Variants in ATRN observed in about 807,000 individuals in gnomAD.
ATRN encodes attractin.
Under a neutral mutation model 178.7 loss-of-function variants are expected in ATRN, and 54 were observed. That is an observed-to-expected ratio of 0.30 (90% CI 0.24 to 0.38). The LOEUF (loss-of-function observed/expected upper bound fraction) is 0.38, where lower values mean the gene tolerates loss of function less well. Ranked by LOEUF, ATRN falls within the 10% of genes least tolerant of loss-of-function variation. The pLI is 1.00. For missense variants in ATRN, 1,443 were observed against 1,815.1 expected (o/e 0.79, Z 3.73); for synonymous variants, 636 against 663.0 (o/e 0.96, Z 0.63).
chr20:3,571,143 A>T (rs901285479), intron 11 of ATRN, among the ~76,000 whole-genome samples: 8 of 152,128 alleles, frequency 5.3e-5, no homozygotes, highest in African/African-American at 1.9e-4. Flanking sequence ...TGGATGTATT[A>T]TAGTTTGTCA....
chr20:3,571,863 T>A (rs912869728), intron 11 of ATRN, among the ~76,000 whole-genome samples: 1 of 152,210 alleles, frequency 6.6e-6, no homozygotes, highest in African/African-American at 2.4e-5. Flanking sequence ...TCTTTTCCCC[T>A]ACCTTCTGGA....
chr20:3,547,602 G>A (rs996558495), intron 5 of ATRN, 113 bp downstream of exon 5: 39 of 917,500 alleles, frequency 4.3e-5, no homozygotes, highest in East Asian at 1.3e-4. Flanking sequence ...AATCAAATAC[G>A]AGGTAGCATT....
intron 6 of ATRN, among the ~76,000 whole-genome samples, chr20:3,554,522 A>C (rs893020527): frequency 2.6e-5 from 4 of 151,674 alleles, no homozygotes; most frequent in Non-Finnish European, 4.4e-5. Context: ...TTTTTAGTAG[A>C]GATGGGTTTC....
At chr20:3,597,092 CAA>C (rs1276723864) in intron 21 of ATRN, among the ~76,000 whole-genome samples, 1 of 41,130 alleles carries the variant, frequency 2.4e-5, no homozygotes, top group Non-Finnish European at 5.0e-5. Flanking sequence ...TAAAAGAAAA[CAA>C]GAGAAAAACA....
At chr20:3,614,717 G>C (rs144414405) in intron 24 of ATRN, among the ~76,000 whole-genome samples, 1 of 152,086 alleles carries the variant, frequency 6.6e-6, no homozygotes, top group African/African-American at 2.4e-5. Flanking sequence ...TCACAGAAGC[G>C]TGCAGCCACC....
chr20:3,581,205 T>A (rs1421184605), intron 15 of ATRN, among the ~76,000 whole-genome samples: 1 of 152,200 alleles, frequency 6.6e-6, no homozygotes, highest in Non-Finnish European at 1.5e-5. Context: ...TGAGCCATGA[T>A]CATGTCCCTG....
At chr20:3,613,130 C>T (rs2086789342) in intron 24 of ATRN, among the ~76,000 whole-genome samples, 1 of 152,164 alleles carries the variant, frequency 6.6e-6, no homozygotes, top group Non-Finnish European at 1.5e-5. Context: ...GGATCACTAA[C>T]TTAAATTAAG....
intron 1 of ATRN, among the ~76,000 whole-genome samples, chr20:3,512,107 A>ATTTTTTTTTTTT (rs755934394): frequency 1.9e-5 from 2 of 106,396 alleles, no homozygotes; most frequent in African/African-American, 8.9e-5. Flanking sequence ...ATATATATAT[A>ATTTTTTTTTTTT]TTTTTTTTTT....
In ATRN at chr20:3,545,821, C is replaced by T; in HGVS notation, c.668C>T (p.Ser223Leu). 1 of 1,614,082 alleles carries T rather than the reference C, an allele frequency of 6.2e-7. No individual in the cohort carries two copies. The highest frequency in any genetic ancestry group is 1.1e-5 in the South Asian group (1 of 91,074). ...NETVPEVVAT[S>L]GYALLHFFSD... ...ACTGTCCCTGAGGTTGTTGCCACAT[C>T]AGGTTATGCCTTGCTGCATTTTTTT... is the stretch of plus-strand genomic sequence containing the variant. The change falls in exon 4 of 29, where the codon TCA (serine) becomes TTA (leucine). Residue 223 changes from serine to leucine, a missense_variant. Ser to Leu is a moderately radical substitution (Grantham distance 145, BLOSUM62 -2). Coordinates refer to ENST00000262919, the MANE Select transcript of ATRN (RefSeq NM_139321.3).
At chr20:3,581,940 A>G (rs2086287621) in intron 15 of ATRN, among the ~76,000 whole-genome samples, 195 bp from the exon 16 acceptor site, 2 of 152,088 alleles carry the variant, frequency 1.3e-5, no homozygotes, top group South Asian at 2.1e-4. Context: ...GTTTTGGTCA[A>G]GATGTTGGTT....
At chr20:3,527,831 C>T (rs753120895) in intron 1 of ATRN, among the ~76,000 whole-genome samples, 1 of 150,932 alleles carries the variant, frequency 6.6e-6, no homozygotes, top group Non-Finnish European at 1.5e-5. Context: ...CAAAACCAAA[C>T]ATTGCATGTT....
intron 24 of ATRN, among the ~76,000 whole-genome samples, chr20:3,613,111 A>G (rs547127072): frequency 1.3e-5 from 2 of 152,270 alleles, no homozygotes; most frequent in South Asian, 4.1e-4. Context: ...GGTGCTCCTT[A>G]TCTTTTCTGG....
chr20:3,645,317 C>T lies in ATRN; in HGVS notation c.4165+1049C>T, dbSNP rs753616858. Among the ~76,000 whole-genome samples the T allele has an allele frequency of 1.3e-5, 2 of 152,222 alleles. No individual in the cohort carries two copies. ...ATGGTTAGGATCTATAGTATCTTCA[C>T]GAGGGAGGCCTTTCGACATGGCTCG... On this transcript the variant is annotated intron_variant, in intron 28 of 28. Transcript: ENST00000262919. This position sits in a 1 kb window ranked among gnomAD's most constrained non-coding sequence, Gnocchi z 4.7.
chr20:3,540,297 T>G lies in ATRN; in HGVS notation c.570T>G (p.Asp190Glu), dbSNP rs780643690. The change falls in exon 3 of 29, where the codon GAT becomes GAG. Residue 190 changes from aspartate (D) to glutamate (E), a missense_variant. By Grantham distance (45) the Asp-to-Glu change is conservative. Transcript: ENST00000262919. ...GTTGGGACCATTTATATGTTTATGA[T>G]GGGGACTCAATTTATGCACCGCTAG... Reference protein sequence around the residue: ...ECSWDHLYVYDGDSIYAPLVA... With the variant: ...ECSWDHLYVYEGDSIYAPLVA... 2.2e-5 allele frequency: 36 copies of G among 1,611,370 alleles called. No homozygotes were observed. In the Middle Eastern group the frequency reaches 3.0e-3, roughly 133 times the overall value.
intron 5 of ATRN, 113 bp downstream of exon 5, chr20:3,547,602 G>T: frequency 1.1e-6 from 1 of 917,618 alleles, no homozygotes. Flanking sequence ...AATCAAATAC[G>T]AGGTAGCATT....
intron 1 of ATRN, among the ~76,000 whole-genome samples, chr20:3,498,298 T>G (rs2084908897): frequency 6.6e-6 from 1 of 152,242 alleles, no homozygotes; most frequent in Admixed American, 6.5e-5. Flanking sequence ...TTCCAGTCAA[T>G]AGAAAAAGAG....
intron 25 of ATRN, among the ~76,000 whole-genome samples, chr20:3,626,231 C>CAA (rs3084195): frequency 8.0e-5 from 8 of 99,516 alleles, no homozygotes; most frequent in African/African-American, 1.9e-4. Flanking sequence ...GACCCTGTCT[C>CAA]AAAAAAAAAA....
chr20:3,597,989 A>G lies in ATRN; in HGVS notation c.3553A>G (p.Thr1185Ala). The G allele has an allele frequency of 6.2e-7, 1 of 1,606,126 alleles. No individual in the cohort carries two copies. Among genetic ancestry groups the G allele is most frequent in the East Asian group, 2.2e-5 (1 of 44,834 alleles). The part of the protein sequence containing the change: ...RYYTAINFVA[T>A]PDEQNRDLDM... Reference sequence around the variant, plus strand: ...TTACACAGCTATCAATTTTGTGGCTACTCCTGACGAAGTAAGATTTTTTAA... The same window carrying G: ...TTACACAGCTATCAATTTTGTGGCTGCTCCTGACGAAGTAAGATTTTTTAA... The change falls in exon 22 of 29, where the codon ACT becomes GCT. Residue 1185 changes from threonine (T) to alanine (A), a missense_variant. By Grantham distance (58) the Thr-to-Ala change is moderately conservative (BLOSUM62 0). Coordinates refer to ENST00000262919, the MANE Select transcript of ATRN (RefSeq NM_139321.3).
intron 6 of ATRN, among the ~76,000 whole-genome samples, chr20:3,553,746 C>T (rs1024934583): frequency 2.0e-5 from 3 of 152,234 alleles, no homozygotes; most frequent in Non-Finnish European, 4.4e-5. Flanking sequence ...TTGGTCTAGA[C>T]TGTTCCTGCT....
Sources: allele counts gnomAD v4.1 joint callset (sites outside exome capture counted in the v4.1 genomes callset), GRCh38; gene constraint gnomAD v4.1.1; non-coding constraint Gnocchi (gnomAD v3.1); transcripts MANE v1.5; gene names NCBI Gene and HGNC (gene_info 2026-07-23, HGNC 2026-07-21).